Variants in ATP9B observed in about 807,000 individuals in gnomAD.
ATP9B encodes ATPase phospholipid transporting 9B.
ATP9B carries 110 observed loss-of-function variants against 146.1 expected under a neutral mutation model. That is an observed-to-expected ratio of 0.75 (90% CI 0.65 to 0.88). ATP9B has a LOEUF of 0.88. Ranked by LOEUF, ATP9B falls within the 40% of genes least tolerant of loss-of-function variation. ATP9B has a pLI of 0.00. For synonymous variants in ATP9B, 604 were observed against 569.7 expected, an observed-to-expected ratio of 1.06 and a Z score of -0.86; for missense variants, 1,499 against 1,496.4, an observed-to-expected ratio of 1.00 and a Z score of -0.03.
At position 79,143,791 on chromosome 18, in the gene ATP9B, C is replaced by CT. The variant is rs1424571040; in HGVS notation, c.668-4dup. On this transcript the variant is annotated splice_polypyrimidine_tract_variant and intron_variant, in intron 5 of 29. Transcript: ENST00000426216. ...TTTCCTTGAGTTGACTGTACTTCTT[C>CT]TTTTTTTAAGGTAAAGTGCAAGTTA... 1.9e-6 allele frequency: 3 copies of CT among 1,556,424 alleles called. No individual in the cohort carries two copies. Among genetic ancestry groups the CT allele is most frequent in the East Asian group, 2.3e-5 (1 of 43,420 alleles).
At chr18:79,157,169 T>C (rs1281189431) in intron 7 of ATP9B, among the ~76,000 whole-genome samples, 1 of 150,498 alleles carries the variant, frequency 6.6e-6, no homozygotes, top group African/African-American at 2.5e-5. Flanking sequence ...GAGACTAGCC[T>C]TGCCAACATG....
intron 3 of ATP9B, among the ~76,000 whole-genome samples, chr18:79,112,427 AAAGAT>A (rs1230161088): frequency 2.0e-5 from 3 of 152,218 alleles, no homozygotes; most frequent in Non-Finnish European, 4.4e-5. Context: ...TTTCTTCTCT[AAAGAT>A]AACTATTTAA....
rs2147393403 is a variant in ATP9B, at chr18:79,342,253, T to A, written c.2284-15T>A. 1 of 1,597,576 alleles carries A rather than the reference T, an allele frequency of 6.3e-7. No individual in the cohort carries two copies. Among genetic ancestry groups the A allele is most frequent in the Non-Finnish European group, 8.6e-7 (1 of 1,165,584 alleles). ...CTTGTCTTGTTGAAATTCACCAGTT[T>A]AAATTGTTCCCTAGATATGGATGCT... On this transcript the variant is annotated splice_polypyrimidine_tract_variant and intron_variant, in intron 19 of 29. Transcript: ENST00000426216.
At chr18:79,213,475 A>G (rs2095601770) in intron 10 of ATP9B, among the ~76,000 whole-genome samples, 1 of 152,132 alleles carries the variant, frequency 6.6e-6, no homozygotes, top group Admixed American at 6.5e-5. Context: ...TTAATTGTAC[A>G]CATTTTGAAA....
chr18:79,101,564 C>T (rs1172734812), intron 2 of ATP9B, among the ~76,000 whole-genome samples: 2 of 152,154 alleles, frequency 1.3e-5, no homozygotes, highest in East Asian at 3.9e-4. Flanking sequence ...AACTTCATTG[C>T]TGGGTTGTAT....
At chr18:79,347,471 G>T (rs1017078560) in intron 23 of ATP9B, among the ~76,000 whole-genome samples, 1 of 152,198 alleles carries the variant, frequency 6.6e-6, no homozygotes, top group African/African-American at 2.4e-5. Context: ...TCACAAGGGA[G>T]TCCTTCAACA....
At chr18:79,171,949 C>T (rs1164529922) in intron 7 of ATP9B, among the ~76,000 whole-genome samples, 8 of 151,488 alleles carry the variant, frequency 5.3e-5, no homozygotes, top group Admixed American at 4.6e-4. Flanking sequence ...AGTGCTATGG[C>T]GCGATCTCAG....
rs2096562036 is a variant in ATP9B at position 79,297,611 on chromosome 18, C to T, written c.1412-5993C>T. On this transcript the variant is annotated intron_variant, in intron 13 of 29. Coordinates refer to ENST00000426216, the MANE Select transcript of ATP9B (RefSeq NM_198531.5). ...ATTAGGACTGTAGTTTGTCCTGTAG[C>T]TTAATTTTACTATATTTAGATGTAG... is the stretch of plus-strand genomic sequence containing the variant. Among the ~76,000 whole-genome samples, 5 of 152,196 alleles carry T rather than the reference C, an allele frequency of 3.3e-5. No homozygotes were observed. The South Asian group carries it at 1.0e-3, about 31-fold the overall frequency.
chr18:79,339,599 G>C (rs890077634), intron 19 of ATP9B, among the ~76,000 whole-genome samples: 2 of 151,414 alleles, frequency 1.3e-5, no homozygotes, highest in Non-Finnish European at 2.9e-5. Flanking sequence ...GATTGCAGTA[G>C]GAGGTGTGTC....
At chr18:79,288,060 G>A (rs1018582389) in intron 13 of ATP9B, among the ~76,000 whole-genome samples, 2 of 151,874 alleles carry the variant, frequency 1.3e-5, no homozygotes, top group Non-Finnish European at 2.9e-5. Context: ...TTTGGAATAG[G>A]TGTGGTGTGG....
At chr18:79,292,920 C>A (rs2096521355) in intron 13 of ATP9B, among the ~76,000 whole-genome samples, 1 of 152,022 alleles carries the variant, frequency 6.6e-6, no homozygotes, top group South Asian at 2.1e-4. Flanking sequence ...TTACACCTGG[C>A]AGCAGCTCCT....
At chr18:79,204,242 C>G (rs1426243200) in intron 9 of ATP9B, among the ~76,000 whole-genome samples, 1 of 152,168 alleles carries the variant, frequency 6.6e-6, no homozygotes, top group Non-Finnish European at 1.5e-5. Context: ...GAATGTTCTT[C>G]TGTGTTTTAA....
At chr18:79,171,074 C>T (rs2147872719) in intron 7 of ATP9B, among the ~76,000 whole-genome samples, 1 of 152,260 alleles carries the variant, frequency 6.6e-6, no homozygotes, top group Non-Finnish European at 1.5e-5. Context: ...ATTGATGCCA[C>T]CTTCCCCCTA....
intron 11 of ATP9B, among the ~76,000 whole-genome samples, chr18:79,244,766 G>A (rs2095926131): frequency 6.6e-6 from 1 of 152,172 alleles, no homozygotes; most frequent in African/African-American, 2.4e-5. Context: ...TTTGTAAGGA[G>A]CATAGTCTCT....
At chr18:79,280,493 A>C (rs73973066) in intron 13 of ATP9B, among the ~76,000 whole-genome samples, 4,519 of 152,318 alleles carry the variant, frequency 0.03, 228 homozygotes, top group African/African-American at 0.1. Flanking sequence ...TTAATAAAAT[A>C]GTTTCAATAC....
intron 11 of ATP9B, among the ~76,000 whole-genome samples, chr18:79,237,140 G>A (rs56354507): frequency 3.4e-5 from 2 of 59,684 alleles, no homozygotes; most frequent in Non-Finnish European, 6.5e-5. Context: ...CCGTGCACGA[G>A]TCAGTGTCCA....
intron 8 of ATP9B, among the ~76,000 whole-genome samples, chr18:79,181,742 T>C (rs2095254650): frequency 6.6e-6 from 1 of 152,230 alleles, no homozygotes; most frequent in Admixed American, 6.5e-5. Flanking sequence ...AATCTCTGGA[T>C]GTTTCATACG....
chr18:79,230,332 A>G (rs935490416), intron 11 of ATP9B, among the ~76,000 whole-genome samples: 1 of 152,190 alleles, frequency 6.6e-6, no homozygotes, highest in Admixed American at 6.5e-5. Flanking sequence ...GACTCATCCA[A>G]AAAGCTCCTA....
intron 11 of ATP9B, among the ~76,000 whole-genome samples, chr18:79,228,412 C>T (rs1443326749): frequency 2.6e-5 from 4 of 152,184 alleles, no homozygotes; most frequent in Non-Finnish European, 5.9e-5. Flanking sequence ...ACTGTGAAGC[C>T]AAGGGAAGAA....
Sources: allele counts gnomAD v4.1 joint callset (sites outside exome capture counted in the v4.1 genomes callset), GRCh38; gene constraint gnomAD v4.1.1; transcripts MANE v1.5; gene names NCBI Gene and HGNC (gene_info 2026-07-23, HGNC 2026-07-21).